Variants in IL21R observed in about 807,000 individuals in gnomAD.
IL21R encodes interleukin 21 receptor.
A neutral mutation model predicts 41.3 loss-of-function variants in IL21R; 14 were observed. The observed-to-expected ratio is 0.34, with a 90% confidence interval of 0.22 to 0.53. The LOEUF (loss-of-function observed/expected upper bound fraction) is 0.53, where lower values mean the gene tolerates loss of function less well. Among genes scored for constraint, IL21R ranks in the 20% least tolerant of loss-of-function variants. The probability of loss-of-function intolerance (pLI) is 0.94; values close to 1 mark genes in which losing one functional copy is unlikely to be tolerated. For missense variants in IL21R, 588 were observed against 681.6 expected, an observed-to-expected ratio of 0.86 and a Z score of 1.53; for synonymous variants, 286 against 287.6, an observed-to-expected ratio of 0.99 and a Z score of 0.05.
intron 6 of IL21R, 146 bp from the exon 7 acceptor site, chr16:27,445,031 C>A: frequency 1.6e-6 from 1 of 644,850 alleles, no homozygotes; most frequent in Non-Finnish European, 2.8e-6. Context: ...GATTTGAACC[C>A]AGATCCATCT....
chr16:27,441,586 A>C (rs1244397360), intron 4 of IL21R, among the ~76,000 whole-genome samples: 1 of 152,254 alleles, frequency 6.6e-6, no homozygotes, highest in African/African-American at 2.4e-5. Flanking sequence ...TCATGCTAAG[A>C]AGAGTCATCA....
Position 27,418,875 on chromosome 16 carries a change from A to T in IL21R, c.-16-11181A>T, listed in dbSNP as rs531633556. Among the ~76,000 whole-genome samples the T allele has an allele frequency of 1.0e-4, 14 of 138,212 alleles. No homozygotes were observed. In the East Asian group the frequency reaches 1.9e-3, roughly 19 times the overall value. 90.7% of individuals were successfully genotyped at this position (138,212 alleles called of 152,430 possible). On this transcript the variant is annotated intron_variant, in intron 1 of 8. Coordinates refer to ENST00000337929, the MANE Select transcript of IL21R (RefSeq NM_181078.3). Reference sequence around the variant, plus strand: ...GCCTTTTTATATATTATATTTTAAAATTTTTTATTTTTTATTTTTTTACTT... The same window carrying T: ...GCCTTTTTATATATTATATTTTAAATTTTTTTATTTTTTATTTTTTTACTT...
intron 1 of IL21R, among the ~76,000 whole-genome samples, chr16:27,418,939 G>A (rs1432111286): frequency 6.6e-6 from 1 of 150,960 alleles, no homozygotes; most frequent in East Asian, 2.0e-4. Flanking sequence ...GACACGCGGG[G>A]CATGGTGGCT....
chr16:27,411,581 G>C (rs2086823830), intron 1 of IL21R, among the ~76,000 whole-genome samples: 1 of 147,206 alleles, frequency 6.8e-6, no homozygotes, highest in African/African-American at 2.5e-5. Flanking sequence ...TCCTGCCTCA[G>C]CCTCCTGAGT....
chr16:27,444,269 C>T (rs2087438969), intron 5 of IL21R, among the ~76,000 whole-genome samples: 1 of 152,014 alleles, frequency 6.6e-6, no homozygotes, highest in Non-Finnish European at 1.5e-5. Flanking sequence ...CCCAGTCCTG[C>T]AGGGAGAGTC....
chr16:27,448,985 G>A lies in IL21R; in HGVS notation c.1319G>A (p.Gly440Glu). 1 of 1,612,920 alleles carries A rather than the reference G, an allele frequency of 6.2e-7. No homozygotes were observed. The highest frequency in any genetic ancestry group is 8.5e-7 in the Non-Finnish European group (1 of 1,179,902). Residue 440 changes from glycine to glutamate, a missense_variant, in exon 9 of 9, where the codon GGG becomes GAG. By Grantham distance (98) the Gly-to-Glu change is moderately conservative (BLOSUM62 -2). Coordinates refer to ENST00000337929, the MANE Select transcript of IL21R (RefSeq NM_181078.3). ...CVSAGSPGLG[G>E]PLGSLLDRLK... Reference sequence around the variant, plus strand: ...TCAGCTGGCAGCCCTGGGCTAGGAGGGCCCCTGGGAAGCCTCCTGGACAGA... The same window carrying A: ...TCAGCTGGCAGCCCTGGGCTAGGAGAGCCCCTGGGAAGCCTCCTGGACAGA...
chr16:27,418,681 T>C (rs757106787), intron 1 of IL21R, among the ~76,000 whole-genome samples: 1 of 152,174 alleles, frequency 6.6e-6, no homozygotes, highest in Non-Finnish European at 1.5e-5. Flanking sequence ...ACATTTTTTC[T>C]TTATAAACAT....
chr16:27,439,438 A>G (rs3093349), intron 4 of IL21R, among the ~76,000 whole-genome samples: 21,051 of 151,880 alleles, frequency 0.14, 1,822 homozygotes, highest in African/African-American at 0.24. Flanking sequence ...ATACATGGGC[A>G]CACACACGCA....
At chr16:27,439,893 TG>T (rs1439076507) in intron 4 of IL21R, among the ~76,000 whole-genome samples, 1 of 152,090 alleles carries the variant, frequency 6.6e-6, no homozygotes. Context: ...CCCCAGGCTC[TG>T]CAAACATCTC....
At position 27,421,533 on chromosome 16, in the gene IL21R, A is replaced by G. The variant is rs183244594; in HGVS notation, c.-16-8523A>G. ...GGTTTTATTGCACAAGTCTCACACT[A>G]ATAAACAAATTCATCTCATATTAAC... On this transcript the variant is annotated intron_variant, in intron 1 of 8. Transcript: ENST00000337929. 1.3e-4 allele frequency among the ~76,000 whole-genome samples: 20 copies of G among 152,246 alleles called. No homozygotes were observed. The East Asian group carries it at 3.7e-3, about 28-fold the overall frequency.
chr16:27,423,004 C>T (rs1048256743), intron 1 of IL21R, among the ~76,000 whole-genome samples: 1 of 152,118 alleles, frequency 6.6e-6, no homozygotes, highest in Non-Finnish European at 1.5e-5. Flanking sequence ...CACCAGGGCC[C>T]ATCTTTTTTT....
chr16:27,445,889 TG>T, intron 7 of IL21R, 117 bp from the exon 8 acceptor site: 1 of 672,772 alleles, frequency 1.5e-6, no homozygotes, highest in Non-Finnish European at 2.4e-6. Context: ...GGGAGGCGCC[TG>T]GGCTGAGTCT....
intron 3 of IL21R, among the ~76,000 whole-genome samples, chr16:27,435,561 C>G (rs2087254825): frequency 6.6e-6 from 1 of 150,740 alleles, no homozygotes; most frequent in Non-Finnish European, 1.5e-5. Flanking sequence ...TCAAGCAATC[C>G]CTCCACCTAA....
At chr16:27,440,222 A>AATATATATATATATATATATAT (rs60418304) in intron 4 of IL21R, among the ~76,000 whole-genome samples, 10 of 75,876 alleles carry the variant, frequency 1.3e-4, no homozygotes, top group Non-Finnish European at 1.9e-4. Flanking sequence ...TAATCTGACA[A>AATATATATATATATATATATAT]ATATATATAT....
At position 27,451,924 on chromosome 16, in the gene IL21R, C is replaced by A; in HGVS notation, c.*2641C>A. The A allele has an allele frequency of 4.3e-6, 1 of 230,108 alleles. No individual in the cohort carries two copies. The highest frequency in any genetic ancestry group is 8.6e-6 in the Non-Finnish European group (1 of 116,058). The allele number at this position is 230,108 out of a possible 1,614,324, so 14.3% of individuals were successfully genotyped here. On this transcript the variant is annotated 3_prime_UTR_variant, in exon 9 of 9. Transcript: ENST00000337929. The stretch of plus-strand genomic sequence containing the variant: ...TTGGATAGACAGAGATAAATGCATA[C>A]TGGAAACAAAGATAAAGATAAAACA...
At position 27,434,387 on chromosome 16, in the gene IL21R, C is replaced by T. The variant is rs1596586066; in HGVS notation, c.90C>T (p.Leu30=). The part of the protein sequence containing the change: ...CPDLVCYTDY[L]QTVICILEMW... ...ACCTCGTCTGCTACACCGATTACCT[C>T]CAGACGGTCATCTGCATCCTGGAAA... Residue 30 remains leucine (L), a synonymous_variant, in exon 3 of 9, where the codon CTC becomes CTT. Transcript: ENST00000337929. 8.1e-6 allele frequency: 13 copies of T among 1,614,052 alleles called. No homozygotes were observed. The highest frequency in any genetic ancestry group is 8.5e-6 in the Non-Finnish European group (10 of 1,179,978).
At chr16:27,427,698 T>C (rs2087102100) in intron 1 of IL21R, among the ~76,000 whole-genome samples, 2 of 151,978 alleles carry the variant, frequency 1.3e-5, no homozygotes, top group Admixed American at 6.6e-5. Flanking sequence ...CATCAGGGAG[T>C]GACGGGGACA....
Position 27,437,701 on chromosome 16 carries a change from G to A in IL21R, c.352+14G>A. 6.2e-7 allele frequency: 1 copy of A among 1,610,764 alleles called. No individual in the cohort carries two copies. The highest frequency in any genetic ancestry group is 8.5e-7 in the Non-Finnish European group (1 of 1,177,468). ...TGGCTGAGAGCAGTGAGTATCCTGG[G>A]ACCCCAGGCTTAGGGTGGCACTCAA... On this transcript the variant is annotated intron_variant, in intron 4 of 8. Coordinates refer to ENST00000337929, the MANE Select transcript of IL21R (RefSeq NM_181078.3).
intron 3 of IL21R, among the ~76,000 whole-genome samples, chr16:27,435,286 T>A (rs1203476625): frequency 1.3e-5 from 2 of 151,606 alleles, no homozygotes; most frequent in Non-Finnish European, 2.9e-5. Context: ...AAAACATGTA[T>A]TAAGTTCCTG....
Sources: allele counts gnomAD v4.1 joint callset (sites outside exome capture counted in the v4.1 genomes callset), GRCh38; gene constraint gnomAD v4.1.1; transcripts MANE v1.5; gene names NCBI Gene and HGNC (gene_info 2026-07-23, HGNC 2026-07-21).